BCL2L2: variants seen among roughly 807,000 people sequenced by gnomAD.
BCL2L2 encodes the protein bcl-2-like protein 2.
A neutral mutation model predicts 14.6 loss-of-function variants in BCL2L2; 6 were observed. The observed-to-expected ratio is 0.41, with a 90% CI of 0.22 to 0.81. The LOEUF (loss-of-function observed/expected upper bound fraction) is 0.81, where lower values mean the gene tolerates loss of function less well. BCL2L2 is among the 30% of genes least tolerant of loss of function. The pLI, the probability that BCL2L2 is intolerant of heterozygous loss-of-function variation, is 0.32. For missense variants in BCL2L2, 191 were observed against 260.5 expected (o/e 0.73, Z 1.84); for synonymous variants, 90 against 108.5 (o/e 0.83, Z 1.06).
In BCL2L2 at chr14:23,311,164, C is replaced by G; in HGVS notation, c.*2199C>G. 4 of 1,283,568 alleles carry G rather than the reference C, an allele frequency of 3.1e-6. No homozygotes were observed. Among genetic ancestry groups the G allele is most frequent in the Non-Finnish European group, 4.0e-6 (4 of 987,672 alleles). The allele number at this position is 1,283,568 out of a possible 1,614,324, so 79.5% of individuals were successfully genotyped here. A position where few individuals can be genotyped will look rare whatever the true frequency, so the allele number is the denominator to read the frequency against. Reference sequence around the variant, plus strand: ...AGGGTAAAGGGCTTGGTCTGGATTCCCAGAAGCATAGCTTAGATGGGACCA... The same window carrying G: ...AGGGTAAAGGGCTTGGTCTGGATTCGCAGAAGCATAGCTTAGATGGGACCA... On this transcript the variant is annotated 3_prime_UTR_variant, in exon 4 of 4. Coordinates refer to ENST00000250405, the MANE Select transcript of BCL2L2 (RefSeq NM_004050.5).
Position 23,308,785 on chromosome 14 carries a change from C to G in BCL2L2, c.433-31C>G. 7.6e-7 allele frequency: 1 copy of G among 1,311,116 alleles called. No homozygotes were observed. Among genetic ancestry groups the G allele is most frequent in the African/African-American group, 1.5e-5 (1 of 66,352 alleles). 81.2% of individuals were successfully genotyped at this position (1,311,116 alleles called of 1,614,324 possible). On this transcript the variant is annotated intron_variant, in intron 3 of 3. Transcript: ENST00000250405. This position sits in a 1 kb window ranked among gnomAD's most constrained non-coding sequence, Gnocchi z 5.4. ...CCTCTCCTGATATCCCTTTCTCCTTCTTTCTCTCCTGCTTCCCTTCTCTCC... is the reference window on the plus strand; with the variant it reads ...CCTCTCCTGATATCCCTTTCTCCTTGTTTCTCTCCTGCTTCCCTTCTCTCC...
chr14:23,309,929 C>A lies in BCL2L2; in HGVS notation c.*964C>A. On this transcript the variant is annotated 3_prime_UTR_variant, in exon 4 of 4. Coordinates refer to ENST00000250405, the MANE Select transcript of BCL2L2 (RefSeq NM_004050.5). ...TAAATTGGGGCCCTAACTAATTTTC[C>A]TTTTGAGGTTGTGGGCATAAGTGCT... The A allele has an allele frequency of 1.0e-6, 1 of 985,426 alleles. No homozygotes were observed. The highest frequency in any genetic ancestry group is 1.7e-5 in the African/African-American group (1 of 57,340). The allele number at this position is 985,426 out of a possible 1,614,324, so 61.0% of individuals were successfully genotyped here. A position where few individuals can be genotyped will look rare whatever the true frequency, so the allele number is the denominator to read the frequency against.
rs1260039283 is a variant in BCL2L2, at chr14:23,309,895, CTG to C, written c.*931_*932del. The stretch of plus-strand genomic sequence containing the variant: ...AATCTCTGGGACCTCTGTACCCAAA[CTG>C]AAACTCTAAATTGGGGCCCTAACTA... On this transcript the variant is annotated 3_prime_UTR_variant, in exon 4 of 4. Transcript: ENST00000250405. The C allele has an allele frequency of 1.0e-6, 1 of 985,372 alleles. No individual in the cohort carries two copies. Among genetic ancestry groups the C allele is most frequent in the African/African-American group, 1.7e-5 (1 of 57,240 alleles). 61.0% of individuals were successfully genotyped at this position (985,372 alleles called of 1,614,324 possible).
rs1887593359 is a variant in BCL2L2, at chr14:23,311,170, G to C, written c.*2205G>C. 7.8e-7 allele frequency: 1 copy of C among 1,283,084 alleles called. No individual in the cohort carries two copies. The highest frequency in any genetic ancestry group is 2.4e-5 in the Admixed American group (1 of 41,964). 79.5% of individuals were successfully genotyped at this position (1,283,084 alleles called of 1,614,324 possible). A position where few individuals can be genotyped will look rare whatever the true frequency, so the allele number is the denominator to read the frequency against. On this transcript the variant is annotated 3_prime_UTR_variant, in exon 4 of 4. Coordinates refer to ENST00000250405, the MANE Select transcript of BCL2L2 (RefSeq NM_004050.5). Reference sequence around the variant, plus strand: ...AAGGGCTTGGTCTGGATTCCCAGAAGCATAGCTTAGATGGGACCACAGTGG... The same window carrying C: ...AAGGGCTTGGTCTGGATTCCCAGAACCATAGCTTAGATGGGACCACAGTGG...
At chr14:23,307,574 T>C (rs1035654901) in intron 2 of BCL2L2, among the ~76,000 whole-genome samples, 186 bp from the exon 3 acceptor site, 2 of 152,222 alleles carry the variant, frequency 1.3e-5, no homozygotes, top group African/African-American at 4.8e-5. Context: ...AGGAATGTAA[T>C]GGCCAGCCAC....
In BCL2L2 at chr14:23,310,741, C is replaced by T. The variant is rs1887560462; in HGVS notation, c.*1776C>T. ...GGTTTTCAAACTGCTTGGCAGAGCC[C>T]TGAAGTTTCCTAGGGGTTGCCTCAG... On this transcript the variant is annotated 3_prime_UTR_variant, in exon 4 of 4. Transcript: ENST00000250405. 1.7e-6 allele frequency: 2 copies of T among 1,190,842 alleles called. No homozygotes were observed. Among genetic ancestry groups the T allele is most frequent in the Admixed American group, 3.7e-5 (1 of 27,310 alleles). 73.8% of individuals were successfully genotyped at this position (1,190,842 alleles called of 1,614,324 possible).
In BCL2L2 at chr14:23,310,974, T is replaced by C; in HGVS notation, c.*2009T>C. 1 of 1,289,514 alleles carries C rather than the reference T, an allele frequency of 7.8e-7. No homozygotes were observed. Among genetic ancestry groups the C allele is most frequent in the Non-Finnish European group, 1.0e-6 (1 of 988,676 alleles). The allele number at this position is 1,289,514 out of a possible 1,614,324, so 79.9% of individuals were successfully genotyped here. The stretch of plus-strand genomic sequence containing the variant: ...TGGAGTCTGTGCTTCCTTCCCCAGG[T>C]ATGGAGCACACTCTTCACCCTACCC... On this transcript the variant is annotated 3_prime_UTR_variant, in exon 4 of 4. Transcript: ENST00000250405.
At position 23,310,377 on chromosome 14, in the gene BCL2L2, T is replaced by C; in HGVS notation, c.*1412T>C. ...GATTGCTGCTCTCCAATGCTAACTT[T>C]CTGACACAGTGCTCTAGAACCCTGC... On this transcript the variant is annotated 3_prime_UTR_variant, in exon 4 of 4. Coordinates refer to ENST00000250405, the MANE Select transcript of BCL2L2 (RefSeq NM_004050.5). The C allele has an allele frequency of 6.1e-6, 6 of 989,418 alleles. No homozygotes were observed. The highest frequency in any genetic ancestry group is 7.2e-6 in the Non-Finnish European group (6 of 832,280). The allele number at this position is 989,418 out of a possible 1,614,324, so 61.3% of individuals were successfully genotyped here. A position where few individuals can be genotyped will look rare whatever the true frequency, so the allele number is the denominator to read the frequency against.
rs1450463199 is a variant in BCL2L2 at position 23,308,572 on chromosome 14, C to T, written c.433-244C>T. Among the ~76,000 whole-genome samples the T allele has an allele frequency of 6.6e-6, 1 of 151,880 alleles. No individual in the cohort carries two copies. The highest frequency in any genetic ancestry group is 1.5e-5 in the Non-Finnish European group (1 of 67,992). On this transcript the variant is annotated intron_variant, in intron 3 of 3. Coordinates refer to ENST00000250405, the MANE Select transcript of BCL2L2 (RefSeq NM_004050.5). The surrounding 1 kb of genome is among the most constrained non-coding windows in gnomAD (Gnocchi z 5.4). ...GCTAGTTCTGAGCAGAATTTTTCGC[C>T]AAGGAAAGGATGGAATTCACTGGAG...
chr14:23,307,663 TCTC>T (rs1023161952), intron 2 of BCL2L2, 94 bp from the exon 3 acceptor site: 16 of 1,461,908 alleles, frequency 1.1e-5, no homozygotes, highest in African/African-American at 2.8e-5. Context: ...GCATTTCCTC[TCTC>T]CTCCTCATCT....
Position 23,311,396 on chromosome 14 carries a change from T to C in BCL2L2, c.*2431T>C. 9.1e-7 allele frequency: 1 copy of C among 1,092,952 alleles called. No homozygotes were observed. Among genetic ancestry groups the C allele is most frequent in the Non-Finnish European group, 1.1e-6 (1 of 895,134 alleles). The allele number at this position is 1,092,952 out of a possible 1,614,324, so 67.7% of individuals were successfully genotyped here. On this transcript the variant is annotated 3_prime_UTR_variant, in exon 4 of 4. Coordinates refer to ENST00000250405, the MANE Select transcript of BCL2L2 (RefSeq NM_004050.5). ...GGGAAATAAATGTAATTGCCATTTT[T>C]CAAAGATTAAGTAGGAGGAGAGGGG...
In BCL2L2 at chr14:23,311,549, A is replaced by G. The variant is rs1214126607; in HGVS notation, c.*2584A>G. The G allele has an allele frequency of 2.0e-6, 2 of 986,532 alleles. No homozygotes were observed. Among genetic ancestry groups the G allele is most frequent in the African/African-American group, 3.5e-5 (2 of 57,210 alleles). 61.1% of individuals were successfully genotyped at this position (986,532 alleles called of 1,614,324 possible). On this transcript the variant is annotated 3_prime_UTR_variant, in exon 4 of 4. Transcript: ENST00000250405. ...CCCACTTATTCTAGGGCACACAAAC[A>G]CTATTTTACTTTTTTAAAATCATAA...
At position 23,309,961 on chromosome 14, in the gene BCL2L2, GA is replaced by G; in HGVS notation, c.*998del. The G allele has an allele frequency of 1.0e-6, 1 of 985,484 alleles. No individual in the cohort carries two copies. The highest frequency in any genetic ancestry group is 1.2e-6 in the Non-Finnish European group (1 of 829,952). The allele number at this position is 985,484 out of a possible 1,614,324, so 61.0% of individuals were successfully genotyped here. ...GGTTGTGGGCATAAGTGCTGATCTAGAATACAGTCTGGGTCCCACACTGTGT... is the reference window on the plus strand; with the variant it reads ...GGTTGTGGGCATAAGTGCTGATCTAGATACAGTCTGGGTCCCACACTGTGT... On this transcript the variant is annotated 3_prime_UTR_variant, in exon 4 of 4. Transcript: ENST00000250405.
Position 23,310,714 on chromosome 14 carries a change from G to A in BCL2L2, c.*1749G>A, listed in dbSNP as rs1887558744. On this transcript the variant is annotated 3_prime_UTR_variant, in exon 4 of 4. Transcript: ENST00000250405. ...GACTTGCTCAGGACAAACTAGGCCA[G>A]TGGTTTTCAAACTGCTTGGCAGAGC... 5.9e-6 allele frequency: 7 copies of A among 1,183,474 alleles called. No homozygotes were observed. The highest frequency in any genetic ancestry group is 6.4e-6 in the Non-Finnish European group (6 of 940,748). The allele number at this position is 1,183,474 out of a possible 1,614,324, so 73.3% of individuals were successfully genotyped here.
At position 23,311,289 on chromosome 14, in the gene BCL2L2, T is replaced by C; in HGVS notation, c.*2324T>C. 1 of 1,154,014 alleles carries C rather than the reference T, an allele frequency of 8.7e-7. No individual in the cohort carries two copies. Among genetic ancestry groups the C allele is most frequent in the Non-Finnish European group, 1.1e-6 (1 of 928,878 alleles). 71.5% of individuals were successfully genotyped at this position (1,154,014 alleles called of 1,614,324 possible). On this transcript the variant is annotated 3_prime_UTR_variant, in exon 4 of 4. Coordinates refer to ENST00000250405, the MANE Select transcript of BCL2L2 (RefSeq NM_004050.5). ...CTAGGGACTCTCTTCTAGAGCCATA[T>C]AGTTCCTTGGGATTAGCTCTTGGCC...
In BCL2L2 at chr14:23,310,764, C is replaced by T. The variant is rs112933062; in HGVS notation, c.*1799C>T. ...CCCTGAAGTTTCCTAGGGGTTGCCT[C>T]AGGAGTCCTTGGGGAGATGAAGGGG... On this transcript the variant is annotated 3_prime_UTR_variant, in exon 4 of 4. Transcript: ENST00000250405. 3.0e-3 allele frequency: 3,624 copies of T among 1,195,836 alleles called. 96 individuals are homozygous for T. The African/African-American group carries it at 0.051, about 17-fold the overall frequency. 74.1% of individuals were successfully genotyped at this position (1,195,836 alleles called of 1,614,324 possible).
In BCL2L2 at chr14:23,309,832, C is replaced by T; in HGVS notation, c.*867C>T. On this transcript the variant is annotated 3_prime_UTR_variant, in exon 4 of 4. Transcript: ENST00000250405. Reference sequence around the variant, plus strand: ...GTAGCCGGACCTGCCTGCCACCCTCCTCTCCCACTCAGGCACAATGGTGCC... The same window carrying T: ...GTAGCCGGACCTGCCTGCCACCCTCTTCTCCCACTCAGGCACAATGGTGCC... The T allele has an allele frequency of 1.0e-6, 1 of 985,488 alleles. No homozygotes were observed. Among genetic ancestry groups the T allele is most frequent in the Non-Finnish European group, 1.2e-6 (1 of 829,956 alleles). 61.0% of individuals were successfully genotyped at this position (985,488 alleles called of 1,614,324 possible). A position where few individuals can be genotyped will look rare whatever the true frequency, so the allele number is the denominator to read the frequency against.
rs542057727 is a variant in BCL2L2, at chr14:23,309,523, C to G, written c.*558C>G. On this transcript the variant is annotated 3_prime_UTR_variant, in exon 4 of 4. Transcript: ENST00000250405. ...CTCAAGGAGAAAACATTCCCTCTTGCAATGGCAAGAACTAGGGGCAGTTCT... is the reference window on the plus strand; with the variant it reads ...CTCAAGGAGAAAACATTCCCTCTTGGAATGGCAAGAACTAGGGGCAGTTCT... The G allele has an allele frequency of 7.1e-6, 7 of 985,796 alleles. No individual in the cohort carries two copies. Among genetic ancestry groups the G allele is most frequent in the East Asian group, 1.1e-4 (1 of 8,818 alleles). 61.1% of individuals were successfully genotyped at this position (985,796 alleles called of 1,614,324 possible).
chr14:23,308,002 T>C lies in BCL2L2; in HGVS notation c.235T>C (p.Phe79Leu). 6.2e-7 allele frequency: 1 copy of C among 1,614,184 alleles called. No individual in the cohort carries two copies. Among genetic ancestry groups the C allele is most frequent in the Non-Finnish European group, 8.5e-7 (1 of 1,180,030 alleles). Residue 79 changes from phenylalanine to leucine, a missense_variant, in exon 3 of 4, where the codon TTC becomes CTC. Physicochemically the swap from Phe to Leu is conservative, Grantham distance 22 (BLOSUM62 0). Transcript: ENST00000250405. This position sits in a 1 kb window ranked among gnomAD's most constrained non-coding sequence, Gnocchi z 5.4. ...GACCCCAGGCTCAGCCCAACAACGCTTCACCCAGGTCTCCGATGAACTTTT... is the reference window on the plus strand; with the variant it reads ...GACCCCAGGCTCAGCCCAACAACGCCTCACCCAGGTCTCCGATGAACTTTT... ...HVTPGSAQQR[F>L]TQVSDELFQG...
Sources: gnomAD v4.1 joint callset for allele counts (sites outside exome capture counted in the v4.1 genomes callset) on GRCh38, gnomAD v4.1.1 for gene constraint, Gnocchi (gnomAD v3.1) non-coding constraint, MANE v1.5 for transcripts, NCBI Gene and HGNC (gene_info 2026-07-23, HGNC 2026-07-21) for gene names.